The following TMEM9B variants were observed in gnomAD, a reference collection of about 807,000 sequenced individuals.
TMEM9B encodes the protein transmembrane protein 9B.
In TMEM9B, 8 loss-of-function variants were observed where a neutral mutation model predicts 23.5. That is an observed-to-expected ratio of 0.34 (90% CI 0.20 to 0.61). TMEM9B has a LOEUF of 0.61. Among genes scored for constraint, TMEM9B ranks in the 20% least tolerant of loss-of-function variants. The pLI, the probability that TMEM9B is intolerant of heterozygous loss-of-function variation, is 0.78. For synonymous variants in TMEM9B, 106 were observed against 96.3 expected (o/e 1.10, Z -0.59); for missense variants, 197 against 252.3 (o/e 0.78, Z 1.49).
intron 3 of TMEM9B, among the ~76,000 whole-genome samples, chr11:8,955,080 G>A (rs1441491528): frequency 6.6e-6 from 1 of 151,648 alleles, no homozygotes; most frequent in African/African-American, 2.4e-5. Context: ...GGACCCAGGA[G>A]GCGGAGGTTG....
chr11:8,952,313 T>TAC (rs1853899003), intron 4 of TMEM9B, among the ~76,000 whole-genome samples: 1 of 106,374 alleles, frequency 9.4e-6, no homozygotes, highest in Non-Finnish European at 2.0e-5. Context: ...ATATATAATG[T>TAC]ACACACGTGT....
intron 1 of TMEM9B, among the ~76,000 whole-genome samples, chr11:8,963,226 T>C (rs1854112775): frequency 6.6e-6 from 1 of 152,224 alleles, no homozygotes; most frequent in African/African-American, 2.4e-5. Context: ...CTGTTTCTGG[T>C]AGGAGGTAGA....
At position 8,956,274 on chromosome 11, in the gene TMEM9B, G is replaced by A; in HGVS notation, c.222C>T (p.Pro74=). ...CTACATCAGGCCCCCGCACAGGCAT[G>A]GGCTCCACAACATGAAGGCAATCAC... The part of the protein sequence containing the change: ...KDCDCLHVVE[P]MPVRGPDVEA... The change falls in exon 3 of 5, where the codon CCC becomes CCT. Residue 74 remains proline (P), a synonymous_variant. Coordinates refer to ENST00000534025, the MANE Select transcript of TMEM9B (RefSeq NM_020644.3). 1 of 1,613,504 alleles carries A rather than the reference G, an allele frequency of 6.2e-7. No individual in the cohort carries two copies. The highest frequency in any genetic ancestry group is 8.5e-7 in the Non-Finnish European group (1 of 1,179,960).
chr11:8,963,953 C>A, intron 1 of TMEM9B: 1 of 506,894 alleles, frequency 2.0e-6, no homozygotes, highest in South Asian at 2.7e-5. Flanking sequence ...TGGGGGGCTG[C>A]TGTCCGGACT....
At chr11:8,963,970 A>G in intron 1 of TMEM9B, 2 of 534,288 alleles carry the variant, frequency 3.7e-6, no homozygotes. Flanking sequence ...GACTGTGGGC[A>G]CTGTCGGGGC....
chr11:8,953,425 C>G (rs1361680001), intron 3 of TMEM9B, 88 bp from the exon 4 acceptor site: 1 of 1,318,744 alleles, frequency 7.6e-7, no homozygotes, highest in Non-Finnish European at 1.1e-6. Flanking sequence ...ACTGACATAT[C>G]TGCTAAGCCT....
chr11:8,962,131 G>A lies in TMEM9B; in HGVS notation c.158C>T (p.Ser53Phe), dbSNP rs1854092922. Residue 53 changes from serine (S) to phenylalanine (F), a missense_variant, in exon 2 of 5, where the codon TCT (serine) becomes TTT (phenylalanine). Ser to Phe is a radical substitution (Grantham distance 155, BLOSUM62 -2). This residue lies in a region of TMEM9B where 141 missense variants were observed against 214.1 expected (regional missense o/e 0.66). Coordinates refer to ENST00000534025, the MANE Select transcript of TMEM9B (RefSeq NM_020644.3). The stretch of plus-strand genomic sequence containing the variant: ...TATGTTCTTATTATAAATATGCCCA[G>A]AATTTTCTTTATAGGGAGGGCAGAT... ...KCICPPYKEN[S>F]GHIYNKNISQ... is the part of the protein sequence containing the mutation. 1.2e-6 allele frequency: 2 copies of A among 1,600,186 alleles called. No individual in the cohort carries two copies. The highest frequency in any genetic ancestry group is 1.3e-5 in the African/African-American group (1 of 74,170).
intron 4 of TMEM9B, chr11:8,952,920 A>G: frequency 1.8e-6 from 1 of 568,884 alleles, no homozygotes; most frequent in Non-Finnish European, 3.1e-6. Context: ...ACTTTTCTCA[A>G]TGTAAACAGG....
intron 4 of TMEM9B, among the ~76,000 whole-genome samples, chr11:8,949,434 A>T (rs1853836180): frequency 6.6e-6 from 1 of 152,210 alleles, no homozygotes; most frequent in African/African-American, 2.4e-5. Context: ...CTTTTTCTTG[A>T]ACCCCGTGTT....
intron 4 of TMEM9B, among the ~76,000 whole-genome samples, chr11:8,951,066 T>C (rs910121626): frequency 6.6e-6 from 1 of 152,176 alleles, no homozygotes; most frequent in African/African-American, 2.4e-5. Context: ...AAATAGTCAA[T>C]ACACAAGCAG....
chr11:8,961,595 T>C (rs1854083625), intron 2 of TMEM9B, among the ~76,000 whole-genome samples: 1 of 152,218 alleles, frequency 6.6e-6, no homozygotes, highest in African/African-American at 2.4e-5. Flanking sequence ...AACTGTAACT[T>C]CTTCATTTAC....
intron 1 of TMEM9B, among the ~76,000 whole-genome samples, chr11:8,963,350 T>C (rs569901820): frequency 9.2e-5 from 14 of 152,370 alleles, no homozygotes; most frequent in Admixed American, 7.2e-4. Flanking sequence ...AAACGCAATG[T>C]CATTCTGTTT....
intron 3 of TMEM9B, among the ~76,000 whole-genome samples, chr11:8,955,593 AAT>A (rs1457735160): frequency 6.6e-6 from 1 of 152,196 alleles, no homozygotes; most frequent in African/African-American, 2.4e-5. Flanking sequence ...TGCAGTCCAC[AAT>A]AGAGTTCATG....
At chr11:8,963,909 G>A (rs937179325) in intron 1 of TMEM9B, 1 of 434,208 alleles carries the variant, frequency 2.3e-6, no homozygotes, top group South Asian at 3.2e-5. Context: ...TAAGATGCGT[G>A]CAGCCGGGGC....
rs1853808997 is a variant in TMEM9B, at chr11:8,948,269, T to G, written c.*51A>C. On this transcript the variant is annotated 3_prime_UTR_variant, in exon 5 of 5. Coordinates refer to ENST00000534025, the MANE Select transcript of TMEM9B (RefSeq NM_020644.3). ...AAACCCAGCAAAACCCAGTCAGTTCTTTCCAGTTGTCTGCCTGTTTCTTTC... is the reference window on the plus strand; with the variant it reads ...AAACCCAGCAAAACCCAGTCAGTTCGTTCCAGTTGTCTGCCTGTTTCTTTC... The G allele has an allele frequency of 6.3e-7, 1 of 1,580,584 alleles. No homozygotes were observed. The highest frequency in any genetic ancestry group is 8.6e-7 in the Non-Finnish European group (1 of 1,161,422).
intron 2 of TMEM9B, among the ~76,000 whole-genome samples, chr11:8,960,918 C>A (rs1345729585): frequency 6.6e-6 from 1 of 152,184 alleles, no homozygotes; most frequent in Non-Finnish European, 1.5e-5. Flanking sequence ...CTCCTGACCT[C>A]AGGTGATCCG....
intron 4 of TMEM9B, among the ~76,000 whole-genome samples, chr11:8,950,821 A>C (rs72852783): frequency 0.059 from 8,938 of 152,324 alleles, 365 homozygotes; most frequent in Non-Finnish European, 0.093. Flanking sequence ...AAAATGCTCT[A>C]CACTGAACAA....
intron 2 of TMEM9B, among the ~76,000 whole-genome samples, chr11:8,959,298 G>A (rs149839122): frequency 2.8e-4 from 42 of 152,242 alleles, no homozygotes; most frequent in Admixed American, 3.3e-4. Flanking sequence ...AATTAGCCAG[G>A]TTGATGGTAC....
chr11:8,948,877 TGCTTTATTCGATACTATAAA>T (rs1051573014), intron 4 of TMEM9B, among the ~76,000 whole-genome samples: 1 of 152,266 alleles, frequency 6.6e-6, no homozygotes, highest in African/African-American at 2.4e-5. Context: ...GGTCTTTCCT[TGCTTTATTCGATACTATAAA>T]GCTAATCTGT....
Sources: allele counts gnomAD v4.1 joint callset (sites outside exome capture counted in the v4.1 genomes callset), GRCh38; gene constraint gnomAD v4.1.1; regional missense constraint gnomAD v4.1.1; transcripts MANE v1.5; gene names NCBI Gene and HGNC (gene_info 2026-07-23, HGNC 2026-07-21).